Variants in MUC7 observed in about 807,000 individuals in gnomAD.
The protein encoded by MUC7 is mucin 7, secreted.
A neutral mutation model predicts 2.5 loss-of-function variants in MUC7; 2 were observed. The observed-to-expected ratio is 0.81, with a 90% CI of 0.33 to 2.55. The LOEUF is 2.55. Among genes scored for constraint, MUC7 ranks in the 30% most tolerant of loss-of-function variants. The pLI is 0.11. For synonymous variants in MUC7, 133 were observed against 173.4 expected, an observed-to-expected ratio of 0.77 and a Z score of 1.83; for missense variants, 408 against 455.6, an observed-to-expected ratio of 0.90 and a Z score of 0.95.
At chr4:70,476,713 G>A (rs184716735) in intron 2 of MUC7, among the ~76,000 whole-genome samples, 1 of 152,320 alleles carries the variant, frequency 6.6e-6, no homozygotes, top group African/African-American at 2.4e-5. Context: ...CTTGAACTTG[G>A]GAGGCAGAGG....
At chr4:70,477,631 C>G (rs181180994) in intron 2 of MUC7, among the ~76,000 whole-genome samples, 1 of 152,210 alleles carries the variant, frequency 6.6e-6, no homozygotes, top group Non-Finnish European at 1.5e-5. Flanking sequence ...TTCCTCATGT[C>G]TTCTCCCTCT....
At chr4:70,449,058 T>C (rs1734215381) in intron 1 of MUC7, among the ~76,000 whole-genome samples, 1 of 152,174 alleles carries the variant, frequency 6.6e-6, no homozygotes, top group African/African-American at 2.4e-5. Context: ...GTTCTTGGCC[T>C]GTAGTTTTAT....
chr4:70,469,150 A>T (rs188212385), upstream of MUC7, among the ~76,000 whole-genome samples: 82 of 152,358 alleles, frequency 5.4e-4, 1 homozygote, highest in East Asian at 4.0e-3. Flanking sequence ...AAAACAAGAA[A>T]TGGCAAAAGG....
chr4:70,436,695 C>T (rs1577896981), intron 1 of MUC7, among the ~76,000 whole-genome samples: 1 of 152,216 alleles, frequency 6.6e-6, no homozygotes, highest in Non-Finnish European at 1.5e-5. Context: ...AAGCCTACTT[C>T]TGTCAATTCG....
intron 1 of MUC7, among the ~76,000 whole-genome samples, chr4:70,433,935 A>T (rs1244715905): frequency 6.6e-6 from 1 of 152,134 alleles, no homozygotes. Flanking sequence ...TTAGCATGAC[A>T]GGCTGTTGAA....
rs1262747245 is a variant in MUC7, at chr4:70,448,274, T to G, written c.-93+17587T>G. Among the ~76,000 whole-genome samples, 4 of 152,292 alleles carry G rather than the reference T, an allele frequency of 2.6e-5. No individual in the cohort carries two copies. The East Asian group carries it at 5.8e-4, about 22-fold the overall frequency. ...GGAGTGCAGATATCTCTTTGATATA[T>G]TAATTACCTTTCTTTTGGGTATACA... is the stretch of plus-strand genomic sequence containing the variant. On this transcript the variant is annotated intron_variant, in intron 1 of 3. Coordinates refer to the MUC7 transcript ENST00000413702.
chr4:70,435,511 A>C (rs1398873430), intron 1 of MUC7, among the ~76,000 whole-genome samples: 3 of 152,184 alleles, frequency 2.0e-5, no homozygotes, highest in African/African-American at 7.2e-5. Flanking sequence ...TTTATCAGAG[A>C]CTAGGATTGC....
At chr4:70,437,849 C>T (rs1048609574) in intron 1 of MUC7, among the ~76,000 whole-genome samples, 1 of 151,818 alleles carries the variant, frequency 6.6e-6, no homozygotes, top group Non-Finnish European at 1.5e-5. Flanking sequence ...TATTTGGCTA[C>T]CTTGGAAGTG....
chr4:70,481,254 C>T lies in MUC7; in HGVS notation c.510C>T (p.Pro170=), dbSNP rs41360046. The change falls in exon 3 of 3, where the codon CCC becomes CCT. Residue 170 remains proline, a synonymous_variant. Transcript: ENST00000304887. ...PAPQDTTAAP[P]TPSATTPAPP... is the part of the protein sequence containing the mutation. Reference sequence around the variant, plus strand: ...CACAAGACACCACAGCTGCCCCACCCACACCTTCTGCAACTACACCAGCTC... The same window carrying T: ...CACAAGACACCACAGCTGCCCCACCTACACCTTCTGCAACTACACCAGCTC... The T allele has an allele frequency of 3.0e-4, 477 of 1,613,486 alleles. 3 individuals carry two copies. The African/African-American group carries it at 5.3e-3, about 18-fold the overall frequency.
At position 70,482,873 on chromosome 4, in the gene MUC7, C is replaced by A. The variant is rs1316242501; in HGVS notation, c.*995C>A. 1.3e-5 allele frequency: 2 copies of A among 152,160 alleles called. No individual in the cohort carries two copies. The highest frequency in any genetic ancestry group is 4.8e-5 in the African/African-American group (2 of 41,440). The allele number at this position is 152,160 out of a possible 1,614,324, so 9.4% of individuals were successfully genotyped here. ...GTTGTAAAACAATAAAAGTTAGCTACTTGGTATACGGAGATGTTAATTTGG... is the reference window on the plus strand; with the variant it reads ...GTTGTAAAACAATAAAAGTTAGCTAATTGGTATACGGAGATGTTAATTTGG... On this transcript the variant is annotated 3_prime_UTR_variant, in exon 3 of 3. Coordinates refer to ENST00000304887, the MANE Select transcript of MUC7 (RefSeq NM_152291.3).
chr4:70,439,177 C>T (rs138976230), intron 1 of MUC7, among the ~76,000 whole-genome samples: 77 of 152,058 alleles, frequency 5.1e-4, no homozygotes, highest in African/African-American at 1.6e-3. Flanking sequence ...GTCATTTAAG[C>T]TGAATAAAAA....
At position 70,472,238 on chromosome 4, in the gene MUC7, A is replaced by T. The variant is rs1734852828; in HGVS notation, c.-69A>T. ...AGTTACCATCCTCAAAGGATTGGCT[A>T]AAAGCAAGCAACTGGATTGAACACC... On this transcript the variant is annotated 5_prime_UTR_variant, in exon 1 of 3. Coordinates refer to ENST00000304887, the MANE Select transcript of MUC7 (RefSeq NM_152291.3). 1 of 152,210 alleles carries T rather than the reference A, an allele frequency of 6.6e-6. No homozygotes were observed. The highest frequency in any genetic ancestry group is 2.4e-5 in the African/African-American group (1 of 41,452). 9.4% of individuals were successfully genotyped at this position (152,210 alleles called of 1,614,324 possible).
chr4:70,448,748 C>G (rs989356489), intron 1 of MUC7, among the ~76,000 whole-genome samples: 1 of 152,084 alleles, frequency 6.6e-6, no homozygotes, highest in African/African-American at 2.4e-5. Flanking sequence ...TGATTGTTTT[C>G]TTTGCTGTGC....
intron 1 of MUC7, among the ~76,000 whole-genome samples, chr4:70,439,903 T>C (rs527956631): frequency 6.6e-6 from 1 of 152,216 alleles, no homozygotes; most frequent in South Asian, 2.1e-4. Flanking sequence ...TTTAATGTGA[T>C]GTTTAATAGA....
Position 70,445,301 on chromosome 4 carries a change from T to G in MUC7, c.-93+14614T>G, listed in dbSNP as rs571356432. ...ATATTACCTTCCTTGAAACCACAAC[T>G]CCACTAACTGTTGCTCCAGCTGGTA... On this transcript the variant is annotated intron_variant, in intron 1 of 3. Transcript: ENST00000413702. Among the ~76,000 whole-genome samples, 10 of 152,182 alleles carry G rather than the reference T, an allele frequency of 6.6e-5. No homozygotes were observed. The East Asian group carries it at 1.2e-3, about 18-fold the overall frequency.
intron 1 of MUC7, among the ~76,000 whole-genome samples, chr4:70,464,304 A>G (rs1012946629): frequency 2.6e-5 from 4 of 152,190 alleles, no homozygotes; most frequent in Non-Finnish European, 4.4e-5. Flanking sequence ...CAGGGTTTCA[A>G]GCGCAAAATT....
At chr4:70,435,421 T>C (rs981086677) in intron 1 of MUC7, among the ~76,000 whole-genome samples, 1 of 152,238 alleles carries the variant, frequency 6.6e-6, no homozygotes, top group African/African-American at 2.4e-5. Context: ...TACAGTTAGC[T>C]CTTCTTGTTG....
intron 1 of MUC7, among the ~76,000 whole-genome samples, chr4:70,439,619 T>G (rs1032442273): frequency 6.6e-6 from 1 of 152,036 alleles, no homozygotes; most frequent in Admixed American, 6.6e-5. Flanking sequence ...TCTTAAAGTG[T>G]TATGTTATGA....
At chr4:70,465,347 C>A (rs1001166388) in intron 1 of MUC7, among the ~76,000 whole-genome samples, 4 of 152,148 alleles carry the variant, frequency 2.6e-5, no homozygotes, top group African/African-American at 9.7e-5. Context: ...TCTTCCCCTG[C>A]AAAGGATCAC....
Sources: allele counts gnomAD v4.1 joint callset (sites outside exome capture counted in the v4.1 genomes callset), GRCh38; gene constraint gnomAD v4.1.1; transcripts MANE v1.5; gene names NCBI Gene and HGNC (gene_info 2026-07-23, HGNC 2026-07-21).